Variants in SON observed in about 807,000 individuals in gnomAD.
SON encodes the protein protein SON.
SON carries 4 observed loss-of-function variants against 173.3 expected under a neutral mutation model. That is an observed-to-expected ratio of 0.02 (90% CI 0.01 to 0.05). The LOEUF (loss-of-function observed/expected upper bound fraction) is 0.05. Ranked by LOEUF, SON falls within the 10% of genes least tolerant of loss-of-function variation. SON has a pLI of 1.00. For synonymous variants in SON, 1,190 were observed against 1,105.9 expected (o/e 1.08, Z -1.51); for missense variants, 2,626 against 3,055.3 (o/e 0.86, Z 3.31).
rs772474269 is a variant in SON at position 33,550,864 on chromosome 21, G to A, written c.1633G>A (p.Val545Met). The A allele has an allele frequency of 3.1e-6, 5 of 1,613,106 alleles. No homozygotes were observed. The highest frequency in any genetic ancestry group is 1.7e-5 in the Admixed American group (1 of 60,004). ...GLLGQPEATM[V>M]LELPGQPVAT... is the part of the protein sequence containing the mutation. ...GCTGGGGCAGCCTGAGGCAACGATG[G>A]TGCTGGAGTTGCCAGGACAGCCAGT... Residue 545 changes from valine to methionine, a missense_variant, in exon 3 of 12, where the codon GTG (valine) becomes ATG (methionine). Physicochemically the swap from Val to Met is conservative, Grantham distance 21 (BLOSUM62 1). This residue lies in a region of SON where 757 missense variants were observed against 730.1 expected (regional missense o/e 1.04). Coordinates refer to ENST00000356577, the MANE Select transcript of SON (RefSeq NM_138927.4).
chr21:33,559,135 TTTGGAAAGTTGCTATTATG>T lies in SON; in HGVS notation c.6322-93_6322-75del. On this transcript the variant is annotated intron_variant, in intron 4 of 11. Transcript: ENST00000356577. The surrounding 1 kb of genome is among the most constrained non-coding windows in gnomAD (Gnocchi z 4.1). ...TAACCTATCATGAATCTTGTTTAAC[TTTGGAAAGTTGCTATTATG>T]TGGTTTTGATTCTAAGAAATTACAT... 1 of 1,005,548 alleles carries T rather than the reference TTTGGAAAGTTGCTATTATG, an allele frequency of 9.9e-7. No individual in the cohort carries two copies. Among genetic ancestry groups the T allele is most frequent in the South Asian group, 1.8e-5 (1 of 55,182 alleles). 62.3% of individuals were successfully genotyped at this position (1,005,548 alleles called of 1,614,324 possible).
rs1256037277 is a variant in SON, at chr21:33,576,547, A to G, written c.*123A>G. 1 of 780,934 alleles carries G rather than the reference A, an allele frequency of 1.3e-6. No homozygotes were observed. Among genetic ancestry groups the G allele is most frequent in the African/African-American group, 1.7e-5 (1 of 59,032 alleles). 48.4% of individuals were successfully genotyped at this position (780,934 alleles called of 1,614,324 possible). A position where few individuals can be genotyped will look rare whatever the true frequency, so the allele number is the denominator to read the frequency against. Reference sequence around the variant, plus strand: ...ACCAAAGGACCTCATGGCTAATGCCACTTGCTTCAGGAGTGCCTCACGTAG... The same window carrying G: ...ACCAAAGGACCTCATGGCTAATGCCGCTTGCTTCAGGAGTGCCTCACGTAG... On this transcript the variant is annotated 3_prime_UTR_variant, in exon 12 of 12. Coordinates refer to ENST00000356577, the MANE Select transcript of SON (RefSeq NM_138927.4).
rs1253073700 is a variant in SON, at chr21:33,573,248, A to T, written c.6886-60A>T. 7 of 1,373,010 alleles carry T rather than the reference A, an allele frequency of 5.1e-6. No homozygotes were observed. The East Asian group carries it at 1.6e-4, about 31-fold the overall frequency. 85.1% of individuals were successfully genotyped at this position (1,373,010 alleles called of 1,614,324 possible). ...TCCTCTTTTTAGAAAGTAAACAATG[A>T]ATCTGTCACCAAGTTCTAACTGTAA... On this transcript the variant is annotated intron_variant, in intron 8 of 11. Coordinates refer to ENST00000356577, the MANE Select transcript of SON (RefSeq NM_138927.4).
rs1432641522 is a variant in SON at position 33,553,858 on chromosome 21, A to G, written c.4627A>G (p.Lys1543Glu). ...TAATATAAATAATCATTTAATTGCT[A>G]AAGAGATGGAACATAATACAGTGTG... ...DLNINNHLIA[K>E]EMEHNTVCAA... The change falls in exon 3 of 12, where the codon AAA (lysine) becomes GAA (glutamate). Residue 1543 changes from lysine to glutamate, a missense_variant. Physicochemically the swap from Lys to Glu is moderately conservative, Grantham distance 56. This residue lies in a region of SON where 1,006 missense variants were observed against 895.6 expected (regional missense o/e 1.12). Coordinates refer to ENST00000356577, the MANE Select transcript of SON (RefSeq NM_138927.4). 7 of 1,613,872 alleles carry G rather than the reference A, an allele frequency of 4.3e-6. No individual in the cohort carries two copies. Among genetic ancestry groups the G allele is most frequent in the South Asian group, 3.3e-5 (3 of 91,070 alleles).
At chr21:33,567,302 A>G (rs2086193285) in intron 7 of SON, 35 bp downstream of exon 7, 1 of 1,203,536 alleles carries the variant, frequency 8.3e-7, no homozygotes, top group African/African-American at 1.5e-5. Flanking sequence ...ATTATTATTT[A>G]CCATCAGCCA....
rs2086427265 is a variant in SON at position 33,577,432 on chromosome 21, A to T, written c.*1008A>T. ...TGGTATTCATATGCTATGTCTCTAAACTTTATTTTCAAAAGCTTAAGGCCC... is the reference window on the plus strand; with the variant it reads ...TGGTATTCATATGCTATGTCTCTAATCTTTATTTTCAAAAGCTTAAGGCCC... On this transcript the variant is annotated 3_prime_UTR_variant, in exon 12 of 12. Coordinates refer to ENST00000356577, the MANE Select transcript of SON (RefSeq NM_138927.4). 6.6e-6 allele frequency: 1 copy of T among 152,576 alleles called. No individual in the cohort carries two copies. 9.5% of individuals were successfully genotyped at this position (152,576 alleles called of 1,614,324 possible).
intron 9 of SON, 133 bp from the exon 10 acceptor site, chr21:33,575,463 G>A: frequency 1.9e-6 from 1 of 518,068 alleles, no homozygotes; most frequent in Non-Finnish European, 3.4e-6. Flanking sequence ...AAGATTGATA[G>A]AGAAATCGAG....
chr21:33,553,093 A>G lies in SON; in HGVS notation c.3862A>G (p.Thr1288Ala). The G allele has an allele frequency of 6.2e-7, 1 of 1,613,914 alleles. No homozygotes were observed. Among genetic ancestry groups the G allele is most frequent in the Non-Finnish European group, 8.5e-7 (1 of 1,179,964 alleles). Residue 1288 changes from threonine (T) to alanine (A), a missense_variant, in exon 3 of 12, where the codon ACT (threonine) becomes GCT (alanine). Around this residue, in one of 13 missense-constraint regions of SON, gnomAD observed 1,006 missense variants for 895.6 expected, o/e 1.12. Transcript: ENST00000356577. ...ACCAGTGACTTGTATGGTATCTGAA[A>G]CTCCCGCCATGTCAGCTGAACCAAC... The part of the protein sequence containing the change: ...ERPVTCMVSE[T>A]PAMSAEPTVL...
chr21:33,553,168 G>A lies in SON; in HGVS notation c.3937G>A (p.Asp1313Asn). Residue 1313 changes from aspartate (D) to asparagine (N), a missense_variant, in exon 3 of 12, where the codon GAT (aspartate) becomes AAT (asparagine). By Grantham distance (23) the Asp-to-Asn change is conservative. Coordinates refer to ENST00000356577, the MANE Select transcript of SON (RefSeq NM_138927.4). The part of the protein sequence containing the change: ...PVMSETAETF[D>N]SMRASGHVAS... ...TATGTCAGAGACAGCAGAAACATTT[G>A]ATTCCATGAGAGCCTCAGGACATGT... The A allele has an allele frequency of 1.2e-6, 2 of 1,614,166 alleles. No homozygotes were observed. Among genetic ancestry groups the A allele is most frequent in the Non-Finnish European group, 1.7e-6 (2 of 1,180,030 alleles).
intron 1 of SON, among the ~76,000 whole-genome samples, chr21:33,544,094 A>C (rs2085547495): frequency 2.0e-5 from 3 of 152,234 alleles, no homozygotes; most frequent in South Asian, 4.1e-4. Flanking sequence ...CTTGAAACGT[A>C]AGTGTTCCGA....
chr21:33,572,503 C>T (rs1297440999), intron 8 of SON: 3 of 1,154,774 alleles, frequency 2.6e-6, no homozygotes, highest in Non-Finnish European at 3.5e-6. Context: ...TGACTGTTCA[C>T]AGAATAACCT....
rs765212503 is a variant in SON, at chr21:33,555,199, C to T, written c.5968C>T (p.Arg1990Cys). Residue 1990 changes from arginine (R) to cysteine (C), a missense_variant, in exon 3 of 12, where the codon CGT (arginine) becomes TGT (cysteine). This residue lies in a region of SON where 138 missense variants were observed against 222.9 expected (regional missense o/e 0.62). Transcript: ENST00000356577. ...CAGCCGCCGGAGCCGCACCCCTAGC[C>T]GTCGGAGCCGCACCCCAAGCCGCCG... is the stretch of plus-strand genomic sequence containing the variant. ...TPSRRSRTPSRRSRTPSRRRR... is the reference protein window; with the variant it reads ...TPSRRSRTPSCRSRTPSRRRR... 12 of 1,587,038 alleles carry T rather than the reference C, an allele frequency of 7.6e-6. No individual in the cohort carries two copies. Among genetic ancestry groups the T allele is most frequent in the Non-Finnish European group, 1.0e-5 (12 of 1,170,726 alleles).
chr21:33,572,415 T>C (rs2086305389), intron 8 of SON: 2 of 435,470 alleles, frequency 4.6e-6, no homozygotes, highest in Admixed American at 2.7e-5. Context: ...AATGTATATA[T>C]ACTTGTGCAT....
chr21:33,563,504 A>C (rs1356682921), intron 6 of SON, among the ~76,000 whole-genome samples: 1 of 152,086 alleles, frequency 6.6e-6, no homozygotes, highest in Non-Finnish European at 1.5e-5. Flanking sequence ...TTTTCCTTTT[A>C]TGCCTGCTTT....
intron 2 of SON, chr21:33,546,619 G>A (rs968093631): frequency 2.7e-5 from 7 of 263,876 alleles, no homozygotes; most frequent in Admixed American, 5.6e-5. Flanking sequence ...CATCTCTACT[G>A]AAAATACAAA....
intron 6 of SON, among the ~76,000 whole-genome samples, chr21:33,564,791 C>T (rs538425617): frequency 2.1e-5 from 3 of 141,840 alleles, no homozygotes; most frequent in South Asian, 4.3e-4. Context: ...ACCCAGGAGG[C>T]GAGAGGTTGC....
At chr21:33,548,072 G>T (rs538563544) in intron 2 of SON, among the ~76,000 whole-genome samples, 6 of 151,808 alleles carry the variant, frequency 4.0e-5, no homozygotes, top group Non-Finnish European at 7.4e-5. Context: ...TTTTTTGGGG[G>T]TCCCTAAGAT....
At chr21:33,575,935 G>T (rs1269299463) in intron 11 of SON, 42 bp downstream of exon 11, 1 of 990,710 alleles carries the variant, frequency 1.0e-6, no homozygotes, top group Non-Finnish European at 1.5e-6. Flanking sequence ...ATTTATTAAT[G>T]TGATGACTTA....
rs200507602 is a variant in SON at position 33,553,202 on chromosome 21, A to C, written c.3971A>C (p.Glu1324Ala). ...AGAGCCTCAGGACATGTTGCCTCAG[A>C]AGTATCTACATCCTTGTTGGTTCCA... Reference protein sequence around the residue: ...SMRASGHVASEVSTSLLVPAV... With the variant: ...SMRASGHVASAVSTSLLVPAV... Residue 1324 changes from glutamate to alanine, a missense_variant, in exon 3 of 12, where the codon GAA becomes GCA. Coordinates refer to ENST00000356577, the MANE Select transcript of SON (RefSeq NM_138927.4). 3 of 1,614,160 alleles carry C rather than the reference A, an allele frequency of 1.9e-6. No individual in the cohort carries two copies. Among genetic ancestry groups the C allele is most frequent in the African/African-American group, 1.3e-5 (1 of 75,056 alleles).
Sources: gnomAD v4.1 joint callset for allele counts (sites outside exome capture counted in the v4.1 genomes callset) on GRCh38, gnomAD v4.1.1 for gene constraint, gnomAD v4.1.1 regional missense constraint, Gnocchi (gnomAD v3.1) non-coding constraint, MANE v1.5 for transcripts, NCBI Gene and HGNC (gene_info 2026-07-23, HGNC 2026-07-21) for gene names.